The following MYLK4 variants were observed in gnomAD, a reference collection of about 807,000 sequenced individuals.
MYLK4 encodes myosin light chain kinase family member 4, also known as caMLCK like.
A neutral mutation model predicts 48.1 loss-of-function variants in MYLK4; 46 were observed. That is an observed-to-expected ratio of 0.96 (90% CI 0.75 to 1.22). The LOEUF (loss-of-function observed/expected upper bound fraction) is 1.22, where lower values mean the gene tolerates loss of function less well. MYLK4 is among the 50% of genes most tolerant of loss of function. The probability of loss-of-function intolerance (pLI) is 0.00; values close to 1 mark genes in which losing one functional copy is unlikely to be tolerated. For missense variants in MYLK4, 451 were observed against 486.1 expected (o/e 0.93, Z 0.68); for synonymous variants, 170 against 180.8 (o/e 0.94, Z 0.48).
At chr6:2,681,820 G>A (rs1297970698) in intron 7 of MYLK4, among the ~76,000 whole-genome samples, 1 of 152,310 alleles carries the variant, frequency 6.6e-6, no homozygotes, top group African/African-American at 2.4e-5. Flanking sequence ...ATGTTATGAA[G>A]CCTCATATGG....
rs1424695292 is a variant in MYLK4 at position 2,667,330 on chromosome 6, A to G, written c.*595T>C. On this transcript the variant is annotated 3_prime_UTR_variant, in exon 13 of 13. Coordinates refer to ENST00000274643, the MANE Select transcript of MYLK4 (RefSeq NM_001012418.5). ...CTGATGCCTCTTGTTGGAGAATTCA[A>G]AGACGGCTTCTGTTCCAGCAAACAA... The G allele has an allele frequency of 1.3e-5, 2 of 152,244 alleles. No individual in the cohort carries two copies. Among genetic ancestry groups the G allele is most frequent in the African/African-American group, 4.8e-5 (2 of 41,480 alleles). The allele number at this position is 152,244 out of a possible 1,614,324, so 9.4% of individuals were successfully genotyped here. A position where few individuals can be genotyped will look rare whatever the true frequency, so the allele number is the denominator to read the frequency against.
chr6:2,691,642 C>A (rs1360258876), intron 3 of MYLK4, among the ~76,000 whole-genome samples: 2 of 152,112 alleles, frequency 1.3e-5, no homozygotes, highest in Admixed American at 6.5e-5. Context: ...TTATTTAATT[C>A]TTGTCCTTAG....
At chr6:2,721,013 T>G (rs1763050180) in intron 2 of MYLK4, among the ~76,000 whole-genome samples, 1 of 151,422 alleles carries the variant, frequency 6.6e-6, no homozygotes, top group Non-Finnish European at 1.5e-5. Flanking sequence ...ATACAAAAAT[T>G]AGCCGGGCGT....
chr6:2,688,569 A>G (rs930655392), intron 4 of MYLK4, among the ~76,000 whole-genome samples: 8 of 152,220 alleles, frequency 5.3e-5, no homozygotes, highest in Non-Finnish European at 7.3e-5. Context: ...TGGAGGCTGC[A>G]CTATGGCTTT....
intron 2 of MYLK4, among the ~76,000 whole-genome samples, chr6:2,730,290 C>A (rs1368166361): frequency 1.3e-5 from 2 of 152,224 alleles, no homozygotes; most frequent in Non-Finnish European, 2.9e-5. Context: ...CCCAAGGGAG[C>A]CCCTCTTTTA....
At chr6:2,755,051 G>A (rs1764394180), upstream of MYLK4, among the ~76,000 whole-genome samples, 1 of 152,042 alleles carries the variant, frequency 6.6e-6, no homozygotes, top group Non-Finnish European at 1.5e-5. Context: ...AGGAAATTTT[G>A]ATATTAGACC....
Position 2,685,180 on chromosome 6 carries a change from G to A in MYLK4, c.545+116C>T. 1 of 726,270 alleles carries A rather than the reference G, an allele frequency of 1.4e-6. No homozygotes were observed. 45.0% of individuals were successfully genotyped at this position (726,270 alleles called of 1,614,324 possible). The stretch of plus-strand genomic sequence containing the variant: ...GATTGTGTGATCCGCGCGAATCAGA[G>A]TCTGCGGGGGCGAGCTTGGTTCTGG... On this transcript the variant is annotated intron_variant, in intron 6 of 12. Coordinates refer to ENST00000274643, the MANE Select transcript of MYLK4 (RefSeq NM_001012418.5). The surrounding 1 kb of genome is among the most constrained non-coding windows in gnomAD (Gnocchi z 4.5).
At chr6:2,753,994 C>G (rs1764360601), upstream of MYLK4, among the ~76,000 whole-genome samples, 1 of 138,242 alleles carries the variant, frequency 7.2e-6, no homozygotes, top group African/African-American at 2.7e-5. Flanking sequence ...GACCCCATCT[C>G]TACCAAAAAA....
chr6:2,740,380 G>A (rs1056974987), intron 2 of MYLK4, among the ~76,000 whole-genome samples: 1 of 152,192 alleles, frequency 6.6e-6, no homozygotes, highest in African/African-American at 2.4e-5. Context: ...TGGCATTGCT[G>A]CGGGACCTTC....
intron 2 of MYLK4, among the ~76,000 whole-genome samples, chr6:2,712,044 C>T (rs1322094700): frequency 6.6e-6 from 1 of 152,110 alleles, no homozygotes; most frequent in Non-Finnish European, 1.5e-5. Context: ...TTTTTCTCAT[C>T]TTTTGTTTTA....
chr6:2,766,563 G>A, the MYLK4 span: 132 of 1,396,870 alleles, frequency 9.4e-5, no homozygotes, highest in Non-Finnish European at 1.2e-4. Flanking sequence ...TGGATAAGGG[G>A]GTGCAGACTT....
Position 2,665,777 on chromosome 6 carries a change from T to G in MYLK4, c.*2148A>C, listed in dbSNP as rs554924117. On this transcript the variant is annotated 3_prime_UTR_variant, in exon 13 of 13. Coordinates refer to ENST00000274643, the MANE Select transcript of MYLK4 (RefSeq NM_001012418.5). ...TCAAATCAGACCCCTGTGTCCTGTTTAGCATTTGAGTGAATGCCAGCTCTC... is the reference window on the plus strand; with the variant it reads ...TCAAATCAGACCCCTGTGTCCTGTTGAGCATTTGAGTGAATGCCAGCTCTC... The G allele has an allele frequency of 6.6e-6, 1 of 152,330 alleles. No individual in the cohort carries two copies. Among genetic ancestry groups the G allele is most frequent in the South Asian group, 2.1e-4 (1 of 4,828 alleles). The allele number at this position is 152,330 out of a possible 1,614,324, so 9.4% of individuals were successfully genotyped here.
At chr6:2,765,721 C>T in the MYLK4 span, 5 of 1,542,084 alleles carry the variant, frequency 3.2e-6, no homozygotes, top group African/African-American at 1.4e-5. Flanking sequence ...CGCACATCAA[C>T]TCGCACCTGG....
the MYLK4 span, among the ~76,000 whole-genome samples, chr6:2,762,699 A>G: frequency 5.9e-5 from 9 of 152,200 alleles, no homozygotes; most frequent in Non-Finnish European, 1.0e-4. Flanking sequence ...AAACGCATAG[A>G]CCCTCACGGA....
Position 2,692,801 on chromosome 6 carries a change from C to G in MYLK4, c.218G>C (p.Arg73Thr). 1 of 1,613,858 alleles carries G rather than the reference C, an allele frequency of 6.2e-7. No homozygotes were observed. Among genetic ancestry groups the G allele is most frequent in the Non-Finnish European group, 8.5e-7 (1 of 1,179,928 alleles). Residue 73 changes from arginine to threonine, a missense_variant, in exon 3 of 13, where the codon AGG becomes ACG. Transcript: ENST00000274643. The part of the protein sequence containing the change: ...LTERMPVKSK[R>T]TSALAVDIPA... ...GATGTTACCTGCGAGGGCTGATGTCCTTTTGCTTTTGACGGGCATCCTTTC... is the reference window on the plus strand; with the variant it reads ...GATGTTACCTGCGAGGGCTGATGTCGTTTTGCTTTTGACGGGCATCCTTTC...
chr6:2,701,368 G>A (rs996086730), intron 2 of MYLK4, among the ~76,000 whole-genome samples: 5 of 152,098 alleles, frequency 3.3e-5, no homozygotes, highest in African/African-American at 9.7e-5. Flanking sequence ...AGTGGGGCAC[G>A]CCGGCCGAGG....
chr6:2,720,045 G>C lies in MYLK4; in HGVS notation c.160-27186C>G, dbSNP rs1242624782. 2.6e-5 allele frequency among the ~76,000 whole-genome samples: 4 copies of C among 152,184 alleles called. No homozygotes were observed. In the East Asian group the frequency reaches 7.7e-4, roughly 29 times the overall value. Reference sequence around the variant, plus strand: ...TTACCTGGTCCTTAGAATTTTTAAAGATTTCCCAGGTGATTCTAATACACA... The same window carrying C: ...TTACCTGGTCCTTAGAATTTTTAAACATTTCCCAGGTGATTCTAATACACA... On this transcript the variant is annotated intron_variant, in intron 2 of 12. Transcript: ENST00000274643.
At chr6:2,732,846 C>G (rs1269538006) in intron 2 of MYLK4, among the ~76,000 whole-genome samples, 1 of 152,252 alleles carries the variant, frequency 6.6e-6, no homozygotes, top group Non-Finnish European at 1.5e-5. Context: ...TTCACTCCAC[C>G]TAGCCCTGGC....
In MYLK4 at chr6:2,664,710, T is replaced by G. The variant is rs1463255599; in HGVS notation, c.*3215A>C. 1 of 152,242 alleles carries G rather than the reference T, an allele frequency of 6.6e-6. No individual in the cohort carries two copies. The highest frequency in any genetic ancestry group is 1.5e-5 in the Non-Finnish European group (1 of 68,050). 9.4% of individuals were successfully genotyped at this position (152,242 alleles called of 1,614,324 possible). On this transcript the variant is annotated 3_prime_UTR_variant, in exon 13 of 13. Transcript: ENST00000274643. ...AATGGCAACATGCCTACTTACATTTTTGAGGAAAGAAAGCAAATTAATATC... is the reference window on the plus strand; with the variant it reads ...AATGGCAACATGCCTACTTACATTTGTGAGGAAAGAAAGCAAATTAATATC...
Sources: allele counts gnomAD v4.1 joint callset (sites outside exome capture counted in the v4.1 genomes callset), GRCh38; gene constraint gnomAD v4.1.1; non-coding constraint Gnocchi (gnomAD v3.1); transcripts MANE v1.5; gene names NCBI Gene and HGNC (gene_info 2026-07-23, HGNC 2026-07-21).